SLC4A4: variants seen among roughly 807,000 people sequenced by gnomAD.
The protein encoded by SLC4A4 is solute carrier family 4 member 4.
In SLC4A4, 27 loss-of-function variants were observed where a neutral mutation model predicts 111.5. The observed-to-expected ratio is 0.24, with a 90% CI of 0.18 to 0.33. The LOEUF (loss-of-function observed/expected upper bound fraction) is 0.33. Among genes scored for constraint, SLC4A4 ranks in the 10% least tolerant of loss-of-function variants. The pLI, the probability that SLC4A4 is intolerant of heterozygous loss-of-function variation, is 1.00. For missense variants in SLC4A4, 909 were observed against 1,315.5 expected (o/e 0.69, Z 4.78); for synonymous variants, 443 against 463.4 (o/e 0.96, Z 0.57).
At chr4:71,289,677 T>TAACG (rs1180633379) in intron 3 of SLC4A4, among the ~76,000 whole-genome samples, 1 of 151,938 alleles carries the variant, frequency 6.6e-6, no homozygotes, top group Non-Finnish European at 1.5e-5. Flanking sequence ...TTGAATTGGG[T>TAACG]AACGAAGGAG....
chr4:71,121,004 G>C (rs761262955), intron 2 of SLC4A4, among the ~76,000 whole-genome samples: 5 of 152,314 alleles, frequency 3.3e-5, no homozygotes, highest in African/African-American at 4.8e-5. Context: ...CACGCGCTCG[G>C]TAGGTCCCGC....
At chr4:71,567,365 A>C (rs1356280902) in intron 25 of SLC4A4, among the ~76,000 whole-genome samples, 1 of 151,706 alleles carries the variant, frequency 6.6e-6, no homozygotes, top group Non-Finnish European at 1.5e-5. Context: ...TGATTTAAAG[A>C]GGTAACTGGC....
Position 71,567,104 on chromosome 4 carries a change from T to G in SLC4A4, c.*36+21T>G, listed in dbSNP as rs746488628. The G allele has an allele frequency of 2.5e-6, 4 of 1,587,792 alleles. No homozygotes were observed. The South Asian group carries it at 4.5e-5, about 18-fold the overall frequency. On this transcript the variant is annotated intron_variant, in intron 25 of 25. Coordinates refer to ENST00000264485, the MANE Select transcript of SLC4A4 (RefSeq NM_001098484.3). ...CCAAGGTAAAGGAGAGCCCAGTATT[T>G]TATGTTTTTCTGTGGGATAATTGCC... is the stretch of plus-strand genomic sequence containing the variant.
chr4:71,144,842 T>A lies in SLC4A4; in HGVS notation c.-2+52050T>A, dbSNP rs192290235. On this transcript the variant is annotated intron_variant, in intron 2 of 26. Transcript: ENST00000649996. ...AAGTTGCTTATCAGCTTAAGGGGAT[T>A]TTGGACTGAGACGATGGGGTTTTCT... 3.9e-3 allele frequency among the ~76,000 whole-genome samples: 594 copies of A among 152,276 alleles called. 5 individuals are homozygous for A. Among genetic ancestry groups the A allele is most frequent in the African/African-American group, 0.014 (570 of 41,544 alleles).
chr4:71,560,175 C>A lies in SLC4A4; in HGVS notation c.3020C>A (p.Pro1007Gln). 1 of 1,610,642 alleles carries A rather than the reference C, an allele frequency of 6.2e-7. No homozygotes were observed. Among genetic ancestry groups the A allele is most frequent in the Non-Finnish European group, 8.5e-7 (1 of 1,177,880 alleles). Residue 1007 changes from proline to glutamine, a missense_variant, in exon 23 of 26, where the codon CCA becomes CAA. By Grantham distance (76) the Pro-to-Gln change is moderately conservative. This residue lies in a region of SLC4A4 where 104 missense variants were observed against 219.5 expected (regional missense o/e 0.47). Coordinates refer to ENST00000264485, the MANE Select transcript of SLC4A4 (RefSeq NM_001098484.3). ...CTCAGCTTCCTGGATGATGTCATTCCAGAAAAGGACAAGAAAAAGAAGGAG... is the reference window on the plus strand; with the variant it reads ...CTCAGCTTCCTGGATGATGTCATTCAAGAAAAGGACAAGAAAAAGAAGGAG... ...HDLSFLDDVI[P>Q]EKDKKKKEDE...
intron 6 of SLC4A4, among the ~76,000 whole-genome samples, chr4:71,380,151 G>A (rs1733301984): frequency 6.6e-6 from 1 of 152,176 alleles, no homozygotes; most frequent in African/African-American, 2.4e-5. Flanking sequence ...TTCTGTGGCT[G>A]CTGATAGTAG....
chr4:71,153,762 G>T (rs941534006), intron 2 of SLC4A4, among the ~76,000 whole-genome samples: 1 of 152,048 alleles, frequency 6.6e-6, no homozygotes, highest in South Asian at 2.1e-4. Flanking sequence ...CTACTTCACC[G>T]ATTAGTAGCC....
At chr4:71,213,055 A>G (rs992885955) in intron 1 of SLC4A4, among the ~76,000 whole-genome samples, 2 of 152,204 alleles carry the variant, frequency 1.3e-5, no homozygotes, top group African/African-American at 4.8e-5. Flanking sequence ...AATAGGTTAT[A>G]CCACATAGCC....
At chr4:71,519,754 T>C (rs1052674547) in intron 16 of SLC4A4, among the ~76,000 whole-genome samples, 19 of 152,116 alleles carry the variant, frequency 1.2e-4, no homozygotes, top group African/African-American at 4.6e-4. Context: ...CCTGCATCAG[T>C]CTCCTGAGTA....
At chr4:71,126,077 C>G (rs1371039322) in intron 2 of SLC4A4, among the ~76,000 whole-genome samples, 1 of 152,132 alleles carries the variant, frequency 6.6e-6, no homozygotes, top group Non-Finnish European at 1.5e-5. Context: ...TAGCACGGCT[C>G]ATCAAAATTT....
chr4:71,193,792 C>T (rs184807356), intron 1 of SLC4A4, among the ~76,000 whole-genome samples: 6 of 152,168 alleles, frequency 3.9e-5, no homozygotes, highest in Non-Finnish European at 7.4e-5. Context: ...TCCCAAGTAA[C>T]GAAGATTTTA....
At chr4:71,184,995 G>A (rs948440388), upstream of SLC4A4, among the ~76,000 whole-genome samples, 2 of 152,072 alleles carry the variant, frequency 1.3e-5, no homozygotes, top group Non-Finnish European at 2.9e-5. Context: ...CACCTCTATA[G>A]TACTCTCATT....
intron 2 of SLC4A4, among the ~76,000 whole-genome samples, chr4:71,178,249 C>T (rs1364743383): frequency 6.6e-6 from 1 of 151,720 alleles, no homozygotes; most frequent in African/African-American, 2.4e-5. Flanking sequence ...AATTGACACC[C>T]TAATGTGCAC....
At chr4:71,415,607 A>T in intron 7 of SLC4A4, among the ~76,000 whole-genome samples, 1 of 152,204 alleles carries the variant, frequency 6.6e-6, no homozygotes, top group East Asian at 1.9e-4. Flanking sequence ...TGAATTTTAA[A>T]TGATGTATCT....
intron 16 of SLC4A4, among the ~76,000 whole-genome samples, chr4:71,504,520 A>T (rs1395966435): frequency 6.6e-6 from 1 of 151,646 alleles, no homozygotes; most frequent in Non-Finnish European, 1.5e-5. Flanking sequence ...TCAGATCATG[A>T]ATTATTTTTC....
intron 1 of SLC4A4, among the ~76,000 whole-genome samples, chr4:71,082,196 C>T (rs1330833040): frequency 6.6e-6 from 1 of 152,050 alleles, no homozygotes; most frequent in Non-Finnish European, 1.5e-5. Context: ...AGATTCTGTA[C>T]TATAGGGATG....
chr4:71,306,360 A>C (rs1428534746), intron 3 of SLC4A4, among the ~76,000 whole-genome samples: 1 of 152,144 alleles, frequency 6.6e-6, no homozygotes, highest in Non-Finnish European at 1.5e-5. Flanking sequence ...AGGCGGGTGG[A>C]TCATGAGGTC....
At chr4:71,087,480 C>A (rs1372531223) in intron 1 of SLC4A4, among the ~76,000 whole-genome samples, 1 of 151,970 alleles carries the variant, frequency 6.6e-6, no homozygotes, top group East Asian at 1.9e-4. Context: ...TTCTCTAGTT[C>A]TTTTATTTGT....
chr4:71,138,774 C>T (rs917260865), intron 2 of SLC4A4, among the ~76,000 whole-genome samples: 1 of 152,190 alleles, frequency 6.6e-6, no homozygotes, highest in Non-Finnish European at 1.5e-5. Flanking sequence ...CGGTGGCTCA[C>T]GCCTGTAATC....
Sources: allele counts gnomAD v4.1 joint callset (sites outside exome capture counted in the v4.1 genomes callset), GRCh38; gene constraint gnomAD v4.1.1; regional missense constraint gnomAD v4.1.1; transcripts MANE v1.5; gene names NCBI Gene and HGNC (gene_info 2026-07-23, HGNC 2026-07-21).